The following FHIT variants were observed in gnomAD, a reference collection of about 807,000 sequenced individuals.
FHIT encodes bis(5'-adenosyl)-triphosphatase.
FHIT carries 19 observed loss-of-function variants against 17.9 expected under a neutral mutation model. The observed-to-expected ratio is 1.06, with a 90% CI of 0.74 to 1.56. The LOEUF (loss-of-function observed/expected upper bound fraction) is 1.56. FHIT is among the 40% of genes most tolerant of loss of function. FHIT has a pLI of 0.00. For missense variants in FHIT, 248 were observed against 189.2 expected (o/e 1.31, Z -1.82); for synonymous variants, 81 against 69.7 (o/e 1.16, Z -0.81).
intron 5 of FHIT, among the ~76,000 whole-genome samples, chr3:60,274,957 A>G (rs1469690556): frequency 6.6e-6 from 1 of 152,246 alleles, no homozygotes; most frequent in African/African-American, 2.4e-5. Context: ...ATGTTAGAAT[A>G]ACAAAATAAA....
At chr3:60,319,342 C>T (rs946669273) in intron 5 of FHIT, among the ~76,000 whole-genome samples, 4 of 151,878 alleles carry the variant, frequency 2.6e-5, no homozygotes, top group African/African-American at 7.3e-5. Context: ...CAGAACAAAA[C>T]GGTGTGTTGT....
intron 5 of FHIT, among the ~76,000 whole-genome samples, chr3:60,230,442 T>C (rs1010633237): frequency 1.3e-5 from 2 of 152,204 alleles, no homozygotes; most frequent in African/African-American, 2.4e-5. Context: ...AATAACATTA[T>C]CTGATCATAT....
intron 7 of FHIT, among the ~76,000 whole-genome samples, chr3:60,001,247 G>A (rs1414005488): frequency 6.6e-6 from 1 of 152,172 alleles, no homozygotes; most frequent in Non-Finnish European, 1.5e-5. Flanking sequence ...GGGAGCACAT[G>A]GCACATAGTA....
intron 7 of FHIT, among the ~76,000 whole-genome samples, chr3:59,993,391 A>G (rs1699372641): frequency 6.6e-6 from 1 of 152,182 alleles, no homozygotes; most frequent in East Asian, 1.9e-4. Context: ...GACTGTATTA[A>G]AACAGTGGTA....
chr3:60,482,331 C>T (rs1167168507), intron 5 of FHIT, among the ~76,000 whole-genome samples: 2 of 152,104 alleles, frequency 1.3e-5, no homozygotes, highest in Non-Finnish European at 2.9e-5. Context: ...ATCAAGCGGA[C>T]CTAATAGACA....
intron 4 of FHIT, among the ~76,000 whole-genome samples, chr3:60,598,492 C>T (rs1367335944): frequency 6.6e-6 from 1 of 152,102 alleles, no homozygotes; most frequent in Non-Finnish European, 1.5e-5. Context: ...GATAATTCCA[C>T]TGGGCAACAA....
intron 4 of FHIT, among the ~76,000 whole-genome samples, chr3:60,660,604 C>T (rs1198883418): frequency 1.3e-5 from 2 of 151,892 alleles, no homozygotes; most frequent in African/African-American, 2.4e-5. Flanking sequence ...TTTGATCTTC[C>T]CAGAATCCCC....
intron 5 of FHIT, among the ~76,000 whole-genome samples, chr3:60,036,123 C>T (rs989529188): frequency 2.6e-5 from 4 of 152,194 alleles, no homozygotes; most frequent in Admixed American, 6.5e-5. Flanking sequence ...CATAACTAGT[C>T]ATGTGGTTCC....
intron 4 of FHIT, among the ~76,000 whole-genome samples, chr3:60,658,798 T>G (rs1331032423): frequency 1.3e-5 from 2 of 152,250 alleles, no homozygotes; most frequent in East Asian, 3.9e-4. Context: ...AAAGCATTAT[T>G]ACAATAATAC....
intron 3 of FHIT, among the ~76,000 whole-genome samples, chr3:61,006,606 CTTTT>C (rs59158084): frequency 1.4e-5 from 2 of 145,972 alleles, no homozygotes; most frequent in Admixed American, 6.9e-5. Flanking sequence ...AAAACATATT[CTTTT>C]TTTTTTTTTT....
intron 3 of FHIT, among the ~76,000 whole-genome samples, chr3:61,019,859 T>C (rs1020076059): frequency 6.6e-6 from 1 of 152,198 alleles, no homozygotes; most frequent in African/African-American, 2.4e-5. Flanking sequence ...TTTATTCATA[T>C]GATTTTCTCT....
chr3:60,735,788 G>C (rs912931814), intron 4 of FHIT, among the ~76,000 whole-genome samples: 1 of 152,184 alleles, frequency 6.6e-6, no homozygotes, highest in Non-Finnish European at 1.5e-5. Context: ...CTAGGTTTCT[G>C]TCATTTGTAA....
intron 8 of FHIT, among the ~76,000 whole-genome samples, chr3:59,903,024 A>G (rs1238100010): frequency 6.6e-6 from 1 of 152,212 alleles, no homozygotes; most frequent in Non-Finnish European, 1.5e-5. Flanking sequence ...CCATATCACA[A>G]TGTATACGTA....
At chr3:61,025,940 T>C (rs1389003933) in intron 3 of FHIT, among the ~76,000 whole-genome samples, 1 of 152,180 alleles carries the variant, frequency 6.6e-6, no homozygotes, top group East Asian at 1.9e-4. Flanking sequence ...TAAAAGTATA[T>C]GTTGATGTTT....
chr3:60,748,952 T>C (rs1349588026), intron 4 of FHIT, among the ~76,000 whole-genome samples: 2 of 152,258 alleles, frequency 1.3e-5, no homozygotes, highest in African/African-American at 4.8e-5. Context: ...GATGCAATTT[T>C]CTTTTTTTCA....
chr3:60,418,991 C>G (rs114491875), intron 5 of FHIT, among the ~76,000 whole-genome samples: 105 of 152,212 alleles, frequency 6.9e-4, no homozygotes, highest in African/African-American at 2.4e-3. Context: ...TTTTTTAGCC[C>G]GAATGGGAAG....
At chr3:60,448,674 A>G (rs1357253728) in intron 5 of FHIT, among the ~76,000 whole-genome samples, 1 of 152,184 alleles carries the variant, frequency 6.6e-6, no homozygotes, top group Non-Finnish European at 1.5e-5. Context: ...CCTGGACAGC[A>G]TTGATCATTT....
chr3:60,130,805 ATATGTGTG>A (rs1699526469), intron 5 of FHIT, among the ~76,000 whole-genome samples: 2 of 137,086 alleles, frequency 1.5e-5, no homozygotes, highest in Admixed American at 7.0e-5. Context: ...ACACACATAT[ATATGTGTG>A]TATGTGTGTA....
intron 5 of FHIT, among the ~76,000 whole-genome samples, chr3:60,142,609 C>T (rs1235176694): frequency 6.6e-6 from 1 of 152,114 alleles, no homozygotes; most frequent in African/African-American, 2.4e-5. Context: ...CAGAGTGATC[C>T]TCCTGCCTCA....
Sources: gnomAD v4.1 joint callset for allele counts (sites outside exome capture counted in the v4.1 genomes callset) on GRCh38, gnomAD v4.1.1 for gene constraint, MANE v1.5 for transcripts, NCBI Gene and HGNC (gene_info 2026-07-23, HGNC 2026-07-21) for gene names.